The following IGSF9B variants were observed in gnomAD, a reference collection of about 807,000 sequenced individuals.
The protein encoded by IGSF9B is immunoglobulin superfamily member 9B.
IGSF9B carries 48 observed loss-of-function variants against 143.7 expected under a neutral mutation model. The observed-to-expected ratio is 0.33, with a 90% confidence interval of 0.26 to 0.42. IGSF9B has a LOEUF of 0.42. Among genes scored for constraint, IGSF9B ranks in the 20% least tolerant of loss-of-function variants. The pLI, the probability that IGSF9B is intolerant of heterozygous loss-of-function variation, is 1.00. For synonymous variants in IGSF9B, 903 were observed against 833.1 expected (o/e 1.08, Z -1.44); for missense variants, 1,706 against 1,980.0 (o/e 0.86, Z 2.63).
chr11:133,919,938 G>A lies in IGSF9B; in HGVS notation c.3787C>T (p.Arg1263Cys), dbSNP rs1368225372. ...PSTGSPSQSS[R>C]SGSPSYRPAM... ...GGCCGGTAGCTGGGACTCCCACTGC[G>A]GCTGCTCTGGGAGGGGGAGCCTGTG... Residue 1263 changes from arginine to cysteine, a missense_variant, in exon 18 of 20, where the codon CGC (arginine) becomes TGC (cysteine). This residue lies in a region of IGSF9B where 880 missense variants were observed against 762.9 expected (regional missense o/e 1.15). Transcript: ENST00000533871. The A allele has an allele frequency of 4.5e-6, 7 of 1,557,012 alleles. No individual in the cohort carries two copies. The highest frequency in any genetic ancestry group is 2.7e-5 in the African/African-American group (2 of 72,764).
At chr11:133,938,931 A>T (rs1056642485) in intron 3 of IGSF9B, among the ~76,000 whole-genome samples, 1 of 152,152 alleles carries the variant, frequency 6.6e-6, no homozygotes, top group Non-Finnish European at 1.5e-5. Context: ...TGTAAAAAGG[A>T]GCTTGTAAAA....
intron 13 of IGSF9B, among the ~76,000 whole-genome samples, chr11:133,926,650 T>C (rs902426737): frequency 6.6e-6 from 1 of 152,204 alleles, no homozygotes; most frequent in African/African-American, 2.4e-5. Context: ...AAAGCAAACA[T>C]GTGGCCTGAC....
In IGSF9B at chr11:133,921,312, C is replaced by T. The variant is rs1218169527; in HGVS notation, c.2413G>A (p.Ala805Thr). 6.2e-7 allele frequency: 1 copy of T among 1,605,926 alleles called. No individual in the cohort carries two copies. The highest frequency in any genetic ancestry group is 8.5e-7 in the Non-Finnish European group (1 of 1,175,796). The change falls in exon 18 of 20, where the codon GCC (alanine) becomes ACC (threonine). Residue 805 changes from alanine (A) to threonine (T), a missense_variant. Physicochemically the swap from Ala to Thr is moderately conservative, Grantham distance 58 (BLOSUM62 0). Around this residue, in one of 7 missense-constraint regions of IGSF9B, gnomAD observed 135 missense variants for 181.3 expected, o/e 0.74. Coordinates refer to ENST00000533871, the MANE Select transcript of IGSF9B (RefSeq NM_001277285.4). ...CGGGTGGGGCTCAGCATCCTCTTGG[C>T]CGCGGGCTGGCCCTGGTCGTCGGAG... ...ESSDDQGQPA[A>T]KRMLSPTREK... is the part of the protein sequence containing the mutation.
In IGSF9B at chr11:133,931,984, T is replaced by C. The variant is rs1372292327; in HGVS notation, c.1110+87A>G. On this transcript the variant is annotated intron_variant, in intron 8 of 19. Transcript: ENST00000533871. The surrounding 1 kb of genome is among the most constrained non-coding windows in gnomAD (Gnocchi z 7.7). ...CAGGGCTTTTGGAAGGGGCCAGGAG[T>C]CCTGGCAGAAATCCAGAGCCCAGAG... 12 of 1,532,604 alleles carry C rather than the reference T, an allele frequency of 7.8e-6. No homozygotes were observed. The highest frequency in any genetic ancestry group is 2.0e-5 in the Admixed American group (1 of 49,566). The allele number at this position is 1,532,604 out of a possible 1,614,324, so 94.9% of individuals were successfully genotyped here.
chr11:133,920,904 CG>C lies in IGSF9B; in HGVS notation c.2820del (p.Gly941ValfsTer52). The part of the protein sequence containing the change: ...PRFQPRGLEG[P>X]GGLEGRLQAT... ...GCCTGAAGCCGACCTTCCAGGCCAC[CG>C]GGGCCCTCCAGCCCGCGGGGCTGGA... On this transcript the variant is annotated frameshift_variant, in exon 18 of 20. Coordinates refer to ENST00000533871, the MANE Select transcript of IGSF9B (RefSeq NM_001277285.4). LOFTEE classifies it high-confidence loss of function. 1 of 1,608,408 alleles carries C rather than the reference CG, an allele frequency of 6.2e-7. No homozygotes were observed. Among genetic ancestry groups the C allele is most frequent in the Non-Finnish European group, 8.5e-7 (1 of 1,177,644 alleles).
chr11:133,929,298 A>C (rs929360444), intron 12 of IGSF9B, among the ~76,000 whole-genome samples: 1 of 152,222 alleles, frequency 6.6e-6, no homozygotes, highest in Admixed American at 6.5e-5. Context: ...TTAGTCTAAA[A>C]ACTAGACTCT....
rs763392908 is a variant in IGSF9B at position 133,901,827 on chromosome 11, CACAA to C, written c.*7238_*7241del. On this transcript the variant is annotated 3_prime_UTR_variant, in exon 20 of 20. Coordinates refer to ENST00000533871, the MANE Select transcript of IGSF9B (RefSeq NM_001277285.4). ...CACAACAGACACACCACACCACACA[CACAA>C]ACACACACACACCACACACGCACCA... 5.1e-4 allele frequency among the ~76,000 whole-genome samples: 76 copies of C among 148,586 alleles called. No individual in the cohort carries two copies. The highest frequency in any genetic ancestry group is 3.5e-3 in the Middle Eastern group (1 of 286).
rs1156303330 is a variant in IGSF9B at position 133,907,132 on chromosome 11, G to C, written c.*1937C>G. Among the ~76,000 whole-genome samples the C allele has an allele frequency of 6.6e-6, 1 of 152,092 alleles. No individual in the cohort carries two copies. The highest frequency in any genetic ancestry group is 1.5e-5 in the Non-Finnish European group (1 of 68,024). ...ACGGCCCAGTCTCAGAAGCCCCTGC[G>C]TGCCTCTCTCACCATGACCCCTTCA... is the stretch of plus-strand genomic sequence containing the variant. On this transcript the variant is annotated 3_prime_UTR_variant, in exon 20 of 20. Coordinates refer to ENST00000533871, the MANE Select transcript of IGSF9B (RefSeq NM_001277285.4).
intron 18 of IGSF9B, among the ~76,000 whole-genome samples, chr11:133,915,928 G>T (rs1410201474): frequency 1.3e-5 from 2 of 152,204 alleles, no homozygotes; most frequent in Admixed American, 6.5e-5. Flanking sequence ...GCGGGAGTCT[G>T]CAGGTCTGAG....
intron 3 of IGSF9B, among the ~76,000 whole-genome samples, chr11:133,939,369 C>T (rs919548374): frequency 1.3e-4 from 20 of 152,250 alleles, no homozygotes. Context: ...AAGTCTGTCT[C>T]TCTCTGTGTG....
At chr11:133,940,097 G>T (rs1447995076) in intron 3 of IGSF9B, among the ~76,000 whole-genome samples, 1 of 132,824 alleles carries the variant, frequency 7.5e-6, no homozygotes, top group Admixed American at 8.1e-5. Flanking sequence ...GTCCCCGCAC[G>T]CATCATCACA....
chr11:133,911,785 C>T (rs1939305102), intron 19 of IGSF9B, 101 bp downstream of exon 19: 5 of 1,181,674 alleles, frequency 4.2e-6, no homozygotes, highest in Non-Finnish European at 5.6e-6. Flanking sequence ...AGGTTGGGGC[C>T]CTGAGCCCAA....
intron 3 of IGSF9B, 117 bp downstream of exon 3, chr11:133,944,103 G>A: frequency 8.9e-7 from 1 of 1,122,598 alleles, no homozygotes; most frequent in South Asian, 1.6e-5. Flanking sequence ...ACAAGGAGGG[G>A]GGCAGGGGGT....
chr11:133,937,716 G>T (rs918878273), intron 4 of IGSF9B, 94 bp downstream of exon 4: 29 of 1,420,358 alleles, frequency 2.0e-5, no homozygotes, highest in Non-Finnish European at 2.8e-5. Context: ...CTCTGTGCTT[G>T]TGCCTGTAGC....
chr11:133,935,206 G>A (rs1327350858), intron 7 of IGSF9B, among the ~76,000 whole-genome samples: 1 of 152,204 alleles, frequency 6.6e-6, no homozygotes, highest in East Asian at 1.9e-4. Flanking sequence ...GAGTAAGGCT[G>A]GGAGAAACCT....
chr11:133,924,784 C>T (rs1450353001), intron 15 of IGSF9B, 36 bp downstream of exon 15: 2 of 1,551,088 alleles, frequency 1.3e-6, no homozygotes, highest in East Asian at 2.2e-5. Flanking sequence ...GGGCTTATGT[C>T]CCTATAGTTG....
intron 18 of IGSF9B, among the ~76,000 whole-genome samples, chr11:133,917,829 G>C (rs1939417554): frequency 6.6e-6 from 1 of 152,050 alleles, no homozygotes; most frequent in Admixed American, 6.5e-5. Context: ...GGAGAATAGG[G>C]TGCGGGGGGG....
intron 15 of IGSF9B, among the ~76,000 whole-genome samples, chr11:133,923,439 C>T (rs1336267049): frequency 1.3e-5 from 2 of 152,236 alleles, no homozygotes; most frequent in African/African-American, 4.8e-5. Flanking sequence ...TCTCTCGTTT[C>T]ACCATAAGGA....
chr11:133,936,197 G>A lies in IGSF9B; in HGVS notation c.680-3C>T, dbSNP rs1357188129. On this transcript the variant is annotated splice_region_variant and splice_polypyrimidine_tract_variant and intron_variant, in intron 5 of 19. Transcript: ENST00000533871. The stretch of plus-strand genomic sequence containing the variant: ...AGGGGAGACGATGAAAGGGGGCCCT[G>A]GGGAGAGCAGGGAACAAACCCCACC... 5 of 1,606,234 alleles carry A rather than the reference G, an allele frequency of 3.1e-6. No homozygotes were observed. The highest frequency in any genetic ancestry group is 2.2e-5 in the South Asian group (2 of 89,302).
Sources: gnomAD v4.1 joint callset for allele counts (sites outside exome capture counted in the v4.1 genomes callset) on GRCh38, gnomAD v4.1.1 for gene constraint, gnomAD v4.1.1 regional missense constraint, Gnocchi (gnomAD v3.1) non-coding constraint, MANE v1.5 for transcripts, NCBI Gene and HGNC (gene_info 2026-07-23, HGNC 2026-07-21) for gene names.